PHF21A: variants seen among roughly 807,000 people sequenced by gnomAD.
PHF21A encodes the protein BHC80a.
A neutral mutation model predicts 82.5 loss-of-function variants in PHF21A; 11 were observed. The ratio of observed to expected loss-of-function variants is 0.13; its 90% CI spans 0.08 to 0.22. The LOEUF is 0.22. Ranked by LOEUF, PHF21A falls within the 10% of genes least tolerant of loss-of-function variation. The pLI, the probability that PHF21A is intolerant of heterozygous loss-of-function variation, is 1.00. For missense variants in PHF21A, 579 were observed against 837.8 expected (o/e 0.69, Z 3.81); for synonymous variants, 297 against 302.8 (o/e 0.98, Z 0.20).
At chr11:46,106,562 A>G (rs993401941) in intron 1 of PHF21A, among the ~76,000 whole-genome samples, 1 of 152,250 alleles carries the variant, frequency 6.6e-6, no homozygotes, top group African/African-American at 2.4e-5. Flanking sequence ...TCGAGATATG[A>G]TGATTTCAAT....
chr11:46,022,943 G>C (rs2095660253), intron 6 of PHF21A, among the ~76,000 whole-genome samples: 1 of 152,114 alleles, frequency 6.6e-6, no homozygotes, highest in Non-Finnish European at 1.5e-5. Context: ...TAGAGATAGG[G>C]TTTCGCCATC....
At chr11:45,946,665 G>A (rs546768224) in intron 14 of PHF21A, among the ~76,000 whole-genome samples, 4 of 152,242 alleles carry the variant, frequency 2.6e-5, no homozygotes, top group African/African-American at 4.8e-5. Context: ...GTGAGCCACC[G>A]CACCTGGCCG....
At chr11:45,948,819 AG>A (rs2091688310) in intron 14 of PHF21A, 66 bp downstream of exon 14, 1 of 1,088,386 alleles carries the variant, frequency 9.2e-7, no homozygotes, top group Middle Eastern at 2.0e-4. Flanking sequence ...GGAGGAGGGA[AG>A]GAGAAGAAAC....
rs1220085837 is a variant in PHF21A, at chr11:46,121,441, C to T, written c.-743G>A. Among the ~76,000 whole-genome samples, 20 of 151,086 alleles carry T rather than the reference C, an allele frequency of 1.3e-4. No homozygotes were observed. Among genetic ancestry groups the T allele is most frequent in the Non-Finnish European group, 1.5e-5 (1 of 67,620 alleles). On this transcript the variant is annotated 5_prime_UTR_variant, in exon 1 of 19. Coordinates refer to ENST00000676320, the MANE Select transcript of PHF21A (RefSeq NM_001352027.3). ...CACCACCAGCCCATTCACCACCCGG[C>T]CCCGGGCCGCAGCACCTCCGCCGCC...
chr11:45,934,849 T>G, intron 18 of PHF21A: 1 of 355,448 alleles, frequency 2.8e-6, no homozygotes, highest in East Asian at 7.4e-5. Context: ...GGCTTCTATT[T>G]TAGGCAGGGA....
chr11:46,024,399 T>C (rs901085227), intron 6 of PHF21A, among the ~76,000 whole-genome samples: 1 of 152,204 alleles, frequency 6.6e-6, no homozygotes, highest in Non-Finnish European at 1.5e-5. Flanking sequence ...TTTCTTCCAT[T>C]AAAACAATGC....
At chr11:46,052,350 C>T (rs1231424176) in intron 6 of PHF21A, among the ~76,000 whole-genome samples, 2 of 152,162 alleles carry the variant, frequency 1.3e-5, no homozygotes, top group Non-Finnish European at 2.9e-5. Flanking sequence ...TGCCTGAAAG[C>T]AGCTATATCC....
At chr11:46,012,193 T>G (rs1038456020) in intron 6 of PHF21A, among the ~76,000 whole-genome samples, 2 of 152,220 alleles carry the variant, frequency 1.3e-5, no homozygotes, top group African/African-American at 2.4e-5. Flanking sequence ...TGTGTGATCA[T>G]CTATCCATTT....
chr11:46,016,555 C>T (rs891422647), intron 6 of PHF21A, among the ~76,000 whole-genome samples: 1 of 152,148 alleles, frequency 6.6e-6, no homozygotes, highest in Non-Finnish European at 1.5e-5. Context: ...CTTACATAAA[C>T]CCTTCCCTAA....
At position 46,110,172 on chromosome 11, in the gene PHF21A, T is replaced by C. The variant is rs139023576; in HGVS notation, c.-237+10763A>G. ...CACAACTTTAGTAATATAAAGTACA[T>C]TCATGAGTATTATCTTATCTAATCC... On this transcript the variant is annotated intron_variant, in intron 1 of 18. Coordinates refer to ENST00000676320, the MANE Select transcript of PHF21A (RefSeq NM_001352027.3). 2.2e-3 allele frequency among the ~76,000 whole-genome samples: 329 copies of C among 152,268 alleles called. 1 individual carries two copies. The highest frequency in any genetic ancestry group is 7.5e-3 in the African/African-American group (310 of 41,556).
At chr11:46,004,299 T>C (rs2095236755) in intron 6 of PHF21A, among the ~76,000 whole-genome samples, 1 of 152,274 alleles carries the variant, frequency 6.6e-6, no homozygotes, top group Non-Finnish European at 1.5e-5. Flanking sequence ...TTCTAAGAAA[T>C]GGTCTGACAT....
chr11:46,014,616 C>T lies in PHF21A; in HGVS notation c.154-34650G>A, dbSNP rs376559174. Among the ~76,000 whole-genome samples the T allele has an allele frequency of 1.5e-4, 23 of 152,278 alleles. No individual in the cohort carries two copies. In the East Asian group the frequency reaches 4.0e-3, roughly 27 times the overall value. The stretch of plus-strand genomic sequence containing the variant: ...GCCGAGGCTGAACTAATTTACATTC[C>T]CACCAACAGTATATGTGTTCCCTTT... On this transcript the variant is annotated intron_variant, in intron 6 of 18. Transcript: ENST00000676320.
intron 6 of PHF21A, among the ~76,000 whole-genome samples, chr11:46,014,398 T>C (rs2095472949): frequency 6.6e-6 from 1 of 152,220 alleles, no homozygotes; most frequent in African/African-American, 2.4e-5. Flanking sequence ...ACATTTTCTT[T>C]ATCCAATCCA....
chr11:46,074,836 C>T (rs1731813423), intron 6 of PHF21A, among the ~76,000 whole-genome samples: 1 of 152,200 alleles, frequency 6.6e-6, no homozygotes, highest in African/African-American at 2.4e-5. Flanking sequence ...AGTAATATCA[C>T]ATGTTGAAAA....
At chr11:45,996,236 T>G (rs1436036205) in intron 6 of PHF21A, among the ~76,000 whole-genome samples, 2 of 152,184 alleles carry the variant, frequency 1.3e-5, no homozygotes, top group Non-Finnish European at 2.9e-5. Context: ...CATTATTGTT[T>G]TTCTAACCTT....
At chr11:46,053,094 C>G (rs2096394896) in intron 6 of PHF21A, among the ~76,000 whole-genome samples, 1 of 152,112 alleles carries the variant, frequency 6.6e-6, no homozygotes, top group African/African-American at 2.4e-5. Flanking sequence ...CAGAACTGAA[C>G]TATTAGGATT....
chr11:45,949,111 C>G (rs2091745384), intron 13 of PHF21A, among the ~76,000 whole-genome samples, 165 bp from the exon 14 acceptor site: 1 of 152,194 alleles, frequency 6.6e-6, no homozygotes, highest in Non-Finnish European at 1.5e-5. Flanking sequence ...GTACTTGGCT[C>G]TCAGAGACTC....
chr11:45,948,326 C>T (rs1057212431), intron 14 of PHF21A, among the ~76,000 whole-genome samples: 1 of 152,168 alleles, frequency 6.6e-6, no homozygotes, highest in Non-Finnish European at 1.5e-5. Flanking sequence ...GATTGGAGCT[C>T]TTTAGGAATC....
intron 7 of PHF21A, among the ~76,000 whole-genome samples, chr11:45,975,469 G>A (rs2959092): frequency 1 from 152,050 of 152,288 alleles, 75,907 homozygotes; most frequent in Non-Finnish European, 1. Context: ...TTCCACATCT[G>A]TTTTATATTA....
Sources: allele counts gnomAD v4.1 joint callset (sites outside exome capture counted in the v4.1 genomes callset), GRCh38; gene constraint gnomAD v4.1.1; transcripts MANE v1.5; gene names NCBI Gene and HGNC (gene_info 2026-07-23, HGNC 2026-07-21).